COL6A6: variants seen among roughly 807,000 people sequenced by gnomAD.
The protein encoded by COL6A6 is collagen type VI alpha 6 chain.
Under a neutral mutation model 208.6 loss-of-function variants are expected in COL6A6, and 183 were observed. The observed-to-expected ratio is 0.88, with a 90% confidence interval of 0.78 to 0.99. The LOEUF is 0.99. Among genes scored for constraint, COL6A6 ranks in the 50% least tolerant of loss-of-function variants. The pLI, the probability that COL6A6 is intolerant of heterozygous loss-of-function variation, is 0.00. For missense variants in COL6A6, 2,816 were observed against 2,815.2 expected (o/e 1.00, Z -0.01); for synonymous variants, 973 against 1,011.8 (o/e 0.96, Z 0.73).
rs1382557499 is a variant in COL6A6 at position 130,649,445 on chromosome 3, C to T, written c.5616C>T (p.Ser1872=). ...GAAAAATCGCCACATTTTTCAGCAGCGGTCAGTCCGCGGATGCCCACTCCA... is the reference window on the plus strand; with the variant it reads ...GAAAAATCGCCACATTTTTCAGCAGTGGTCAGTCCGCGGATGCCCACTCCA... The part of the protein sequence containing the change: ...HTRKIATFFS[S]GQSADAHSIT... Residue 1872 remains serine (S), a synonymous_variant, in exon 33 of 37, where the codon AGC becomes AGT. Coordinates refer to ENST00000358511, the MANE Select transcript of COL6A6 (RefSeq NM_001102608.3). The T allele has an allele frequency of 6.2e-7, 1 of 1,612,684 alleles. No homozygotes were observed. Among genetic ancestry groups the T allele is most frequent in the Non-Finnish European group, 8.5e-7 (1 of 1,179,426 alleles).
At chr3:130,553,166 C>G (rs1485878515) in intron 1 of COL6A6, among the ~76,000 whole-genome samples, 1 of 152,094 alleles carries the variant, frequency 6.6e-6, no homozygotes, top group South Asian at 2.1e-4. Flanking sequence ...GGGTTCTCTA[C>G]GTTTCCTGAA....
At chr3:130,594,425 A>T in intron 18 of COL6A6, 82 bp downstream of exon 18, 1 of 1,062,608 alleles carries the variant, frequency 9.4e-7, no homozygotes, top group Non-Finnish European at 1.4e-6. Context: ...TCAAGGTACT[A>T]CAATAGTAAC....
At position 130,593,272 on chromosome 3, in the gene COL6A6, G is replaced by A. The variant is rs1393965406; in HGVS notation, c.4470+20G>A. 1 of 1,596,326 alleles carries A rather than the reference G, an allele frequency of 6.3e-7. No homozygotes were observed. On this transcript the variant is annotated intron_variant, in intron 17 of 36. Transcript: ENST00000358511. ...TCTCAGGTAGGGATTTGAAAAGGAAGAACATAAAAATTGTACTGGGGATTA... is the reference window on the plus strand; with the variant it reads ...TCTCAGGTAGGGATTTGAAAAGGAAAAACATAAAAATTGTACTGGGGATTA...
intron 23 of COL6A6, among the ~76,000 whole-genome samples, chr3:130,619,006 A>C (rs951002556): frequency 6.6e-6 from 1 of 152,198 alleles, no homozygotes; most frequent in African/African-American, 2.4e-5. Context: ...TGTGCAGTGC[A>C]TGAAAATTTC....
chr3:130,651,446 AAAG>A (rs1379494018), intron 33 of COL6A6, among the ~76,000 whole-genome samples: 11 of 151,674 alleles, frequency 7.3e-5, no homozygotes, highest in Non-Finnish European at 1.6e-4. Flanking sequence ...AAAAAAAAAA[AAAG>A]AATGATAGCT....
At chr3:130,540,698 C>T (rs1483327756) in intron 1 of COL6A6, among the ~76,000 whole-genome samples, 1 of 152,150 alleles carries the variant, frequency 6.6e-6, no homozygotes, top group Non-Finnish European at 1.5e-5. Context: ...TGTTGTTCCC[C>T]TCCCTGTGTC....
chr3:130,591,004 A>G, intron 12 of COL6A6, 37 bp from the exon 13 acceptor site: 1 of 1,514,102 alleles, frequency 6.6e-7, no homozygotes, highest in Non-Finnish European at 9.0e-7. Flanking sequence ...TTTTTGGTCC[A>G]TAGATGCAAA....
In COL6A6 at chr3:130,592,182, G is replaced by A. The variant is rs558266881; in HGVS notation, c.4273-359G>A. Among the ~76,000 whole-genome samples, 12 of 40,034 alleles carry A rather than the reference G, an allele frequency of 3.0e-4. No homozygotes were observed. The South Asian group carries it at 0.011, about 38-fold the overall frequency. 26.3% of individuals were successfully genotyped at this position (40,034 alleles called of 152,430 possible). A position where few individuals can be genotyped will look rare whatever the true frequency, so the allele number is the denominator to read the frequency against. On this transcript the variant is annotated intron_variant, in intron 13 of 36. Coordinates refer to ENST00000358511, the MANE Select transcript of COL6A6 (RefSeq NM_001102608.3). ...AGCATGCTCAAGCAACATTACAGAT[G>A]ATGATAAGGTGAAGGTTTATAGGTA...
intron 23 of COL6A6, among the ~76,000 whole-genome samples, chr3:130,613,239 C>T (rs1393826044): frequency 1.3e-5 from 2 of 152,194 alleles, no homozygotes; most frequent in Non-Finnish European, 2.9e-5. Context: ...TATGGCTAGC[C>T]AGTTCTCCCA....
chr3:130,588,420 G>T (rs1246648713), intron 11 of COL6A6, among the ~76,000 whole-genome samples: 1 of 152,192 alleles, frequency 6.6e-6, no homozygotes, highest in East Asian at 1.9e-4. Flanking sequence ...AGGGATGGCT[G>T]GGTAAGTCCA....
chr3:130,601,213 T>C (rs555973828), intron 20 of COL6A6, among the ~76,000 whole-genome samples: 1 of 123,840 alleles, frequency 8.1e-6, no homozygotes, highest in African/African-American at 3.1e-5. Flanking sequence ...CCCTCCCAAA[T>C]AGAAAAATGT....
chr3:130,568,101 T>G lies in COL6A6; in HGVS notation c.1898T>G (p.Ile633Arg). 1.2e-6 allele frequency: 2 copies of G among 1,613,978 alleles called. No homozygotes were observed. The highest frequency in any genetic ancestry group is 1.1e-5 in the South Asian group (1 of 91,074). ...IMFLVDSSGS[I>R]GPENFSKMKT... The stretch of plus-strand genomic sequence containing the variant: ...TTTCTGGTGGACAGTTCTGGAAGTA[T>G]AGGACCTGAAAACTTCAGCAAAATG... The change falls in exon 6 of 37, where the codon ATA becomes AGA. Residue 633 changes from isoleucine (I) to arginine (R), a missense_variant. Coordinates refer to ENST00000358511, the MANE Select transcript of COL6A6 (RefSeq NM_001102608.3).
rs755097067 is a variant in COL6A6, at chr3:130,574,491, C to G, written c.3513C>G (p.Ile1171Met). The change falls in exon 8 of 37, where the codon ATC (isoleucine) becomes ATG (methionine). Residue 1171 changes from isoleucine to methionine, a missense_variant. By Grantham distance (10) the Ile-to-Met change is conservative. Transcript: ENST00000358511. Reference protein sequence around the residue: ...FDELKKVNKRIVRNICTTAGE... With the variant: ...FDELKKVNKRMVRNICTTAGE... ...AACTGAAGAAGGTCAATAAAAGGATCGTTCGCAACATCTGTACCACAGCGG... is the reference window on the plus strand; with the variant it reads ...AACTGAAGAAGGTCAATAAAAGGATGGTTCGCAACATCTGTACCACAGCGG... 1.2e-6 allele frequency: 2 copies of G among 1,613,954 alleles called. No homozygotes were observed. Among genetic ancestry groups the G allele is most frequent in the Admixed American group, 1.7e-5 (1 of 60,026 alleles).
At chr3:130,534,979 C>T (rs893792611) in intron 1 of COL6A6, among the ~76,000 whole-genome samples, 11 of 152,052 alleles carry the variant, frequency 7.2e-5, no homozygotes, top group Admixed American at 3.9e-4. Context: ...CAAATTTGCT[C>T]ATCAAATCTC....
chr3:130,549,530 A>G (rs1246411601), intron 1 of COL6A6, among the ~76,000 whole-genome samples: 1 of 151,086 alleles, frequency 6.6e-6, no homozygotes, highest in African/African-American at 2.4e-5. Flanking sequence ...AGGGTTTTAC[A>G]TTTCAGTTTT....
chr3:130,559,254 A>C (rs2062828946), intron 1 of COL6A6, among the ~76,000 whole-genome samples: 1 of 152,266 alleles, frequency 6.6e-6, no homozygotes, highest in Non-Finnish European at 1.5e-5. Flanking sequence ...GGTTTGTACT[A>C]CACATTGCCT....
At chr3:130,650,840 A>G (rs759589519) in intron 33 of COL6A6, among the ~76,000 whole-genome samples, 1 of 152,200 alleles carries the variant, frequency 6.6e-6, no homozygotes, top group Non-Finnish European at 1.5e-5. Flanking sequence ...CTGGGCATGA[A>G]TTAATGCCAG....
intron 1 of COL6A6, among the ~76,000 whole-genome samples, chr3:130,522,015 G>T (rs557786653): frequency 1.2e-4 from 18 of 152,222 alleles, no homozygotes; most frequent in Non-Finnish European, 2.1e-4. Context: ...CTTGTCCAGG[G>T]TCTGCTTTTG....
intron 32 of COL6A6, among the ~76,000 whole-genome samples, chr3:130,648,544 G>A (rs776859654): frequency 9.9e-5 from 15 of 152,174 alleles, no homozygotes; most frequent in Admixed American, 4.6e-4. Context: ...GGGCCAGGGC[G>A]CTAAACTCTA....
Sources: allele counts gnomAD v4.1 joint callset (sites outside exome capture counted in the v4.1 genomes callset), GRCh38; gene constraint gnomAD v4.1.1; transcripts MANE v1.5; gene names NCBI Gene and HGNC (gene_info 2026-07-23, HGNC 2026-07-21).